The following EIF1AX variants were observed in gnomAD, a reference collection of about 807,000 sequenced individuals.
The protein encoded by EIF1AX is eukaryotic translation initiation factor 1A X-linked.
A neutral mutation model predicts 16.1 loss-of-function variants in EIF1AX; 1 was observed. The observed-to-expected ratio is 0.06, with a 90% CI of 0.02 to 0.30. EIF1AX has a LOEUF of 0.30. Among genes scored for constraint, EIF1AX ranks in the 10% least tolerant of loss-of-function variants. The probability of loss-of-function intolerance (pLI) is 1.00; values close to 1 mark genes in which losing one functional copy is unlikely to be tolerated. For synonymous variants in EIF1AX, 32 were observed against 37.3 expected (o/e 0.86, Z 0.51); for missense variants, 11 against 109.1 (o/e 0.10, Z 4.00).
chrX:20,139,321 C>A (rs943100237), intron 1 of EIF1AX, among the ~76,000 whole-genome samples: 3 of 112,372 alleles, frequency 2.7e-5, no homozygotes, highest in African/African-American at 9.7e-5. Context: ...ACCCCAGTGA[C>A]CATGCTCTTA....
intron 1 of EIF1AX, 84 bp from the exon 2 acceptor site, chrX:20,138,706 TA>T: frequency 1.5e-6 from 1 of 658,741 alleles, no homozygotes; most frequent in Non-Finnish European, 2.3e-6. Flanking sequence ...TTAAGGCTTA[TA>T]AAACCATTTT....
At chrX:20,135,706 T>C (rs1358974938) in intron 3 of EIF1AX, 32 bp downstream of exon 3, 5 of 1,090,340 alleles carry the variant, frequency 4.6e-6, no homozygotes, top group Non-Finnish European at 6.4e-6. Flanking sequence ...CCTTAACCAA[T>C]TTTATATTAA....
chrX:20,125,298 C>T lies in EIF1AX; in HGVS notation c.*3008G>A. On this transcript the variant is annotated 3_prime_UTR_variant, in exon 7 of 7. Coordinates refer to ENST00000379607, the MANE Select transcript of EIF1AX (RefSeq NM_001412.4). ...AATACATTCTCCAAATTGCTCAGTT[C>T]ATTCTATACCTGAGAGTCTTGTGTC... 1 of 169,643 alleles carries T rather than the reference C, an allele frequency of 5.9e-6. No homozygotes were observed. The highest frequency in any genetic ancestry group is 1.1e-5 in the Non-Finnish European group (1 of 87,934). 14.0% of individuals were successfully genotyped at this position (169,643 alleles called of 1,213,427 possible).
At chrX:20,135,596 A>G in intron 3 of EIF1AX, 142 bp downstream of exon 3, 1 of 431,658 alleles carries the variant, frequency 2.3e-6, no homozygotes, top group Non-Finnish European at 4.1e-6. Flanking sequence ...AGACCTTGCT[A>G]TTTTACTTAT....
rs767240001 is a variant in EIF1AX at position 20,141,326 on chromosome X, A to G, written c.16+299T>C. On this transcript the variant is annotated intron_variant, in intron 1 of 6. Coordinates refer to ENST00000379607, the MANE Select transcript of EIF1AX (RefSeq NM_001412.4). Reference sequence around the variant, plus strand: ...GGCCGCCCCGGGGAAGGTTCCCGCCACCGTCCCCACCGAGCAGCGGTCAGT... The same window carrying G: ...GGCCGCCCCGGGGAAGGTTCCCGCCGCCGTCCCCACCGAGCAGCGGTCAGT... 2.7e-5 allele frequency among the ~76,000 whole-genome samples: 3 copies of G among 111,783 alleles called. No individual in the cohort carries two copies. The South Asian group carries it at 1.1e-3, about 42-fold the overall frequency.
chrX:20,135,589 C>A, intron 3 of EIF1AX, 149 bp downstream of exon 3: 1 of 414,869 alleles, frequency 2.4e-6, no homozygotes, highest in Non-Finnish European at 4.3e-6. Context: ...CCATTACAGA[C>A]CTTGCTATTT....
chrX:20,129,492 C>T (rs758459149), intron 6 of EIF1AX, among the ~76,000 whole-genome samples: 1 of 111,808 alleles, frequency 8.9e-6, no homozygotes, highest in South Asian at 3.7e-4. Flanking sequence ...AAGAAGAGCC[C>T]AAAACAGATT....
At chrX:20,131,252 G>A (rs2067000299) in intron 5 of EIF1AX, among the ~76,000 whole-genome samples, 1 of 111,875 alleles carries the variant, frequency 8.9e-6, no homozygotes, top group Non-Finnish European at 1.9e-5. Context: ...GTATTTGGAA[G>A]GGTGAAAACC....
At chrX:20,140,922 T>C (rs1372311868) in intron 1 of EIF1AX, among the ~76,000 whole-genome samples, 2 of 110,802 alleles carry the variant, frequency 1.8e-5, no homozygotes, top group Admixed American at 1.9e-4. Context: ...AGTCTGATCA[T>C]TTGTGAACGC....
chrX:20,134,075 A>G (rs371910143), intron 3 of EIF1AX, 68 bp from the exon 4 acceptor site: 4 of 1,070,294 alleles, frequency 3.7e-6, no homozygotes, highest in Non-Finnish European at 5.1e-6. Context: ...CAGAGTAACA[A>G]TCAATTAGTT....
In EIF1AX at chrX:20,134,417, A is replaced by T. The variant is rs185245102; in HGVS notation, c.205-410T>A. On this transcript the variant is annotated intron_variant, in intron 3 of 6. Transcript: ENST00000379607. ...AAACAAATAAATAAACTTCTTTAAA[A>T]GAAAAAAAAAAAGAAAAGAAATTAA... is the stretch of plus-strand genomic sequence containing the variant. Among the ~76,000 whole-genome samples, 899 of 110,217 alleles carry T rather than the reference A, an allele frequency of 8.2e-3. 6 individuals carry two copies. Among genetic ancestry groups the T allele is most frequent in the Non-Finnish European group, 0.012 (629 of 52,637 alleles).
At chrX:20,136,222 C>T (rs746759647) in intron 2 of EIF1AX, 88 of 334,384 alleles carry the variant, frequency 2.6e-4, no homozygotes, top group South Asian at 2.1e-3. Flanking sequence ...TTTATAAACA[C>T]GTGTGCGTGC....
chrX:20,129,532 T>C (rs1016238195), intron 6 of EIF1AX, among the ~76,000 whole-genome samples: 4 of 112,521 alleles, frequency 3.6e-5, no homozygotes, highest in African/African-American at 1.3e-4. Flanking sequence ...ACTAAATAAA[T>C]TTATACTGCC....
Position 20,126,724 on chromosome X carries a change from A to AG in EIF1AX, c.*1581dup, listed in dbSNP as rs768550784. ...TTATGAGGATTAAAAACCAGCCCTTAGTCTCAGATGCATTCCACCTAGATG... is the reference window on the plus strand; with the variant it reads ...TTATGAGGATTAAAAACCAGCCCTTAGGTCTCAGATGCATTCCACCTAGATG... On this transcript the variant is annotated 3_prime_UTR_variant, in exon 7 of 7. Coordinates refer to ENST00000379607, the MANE Select transcript of EIF1AX (RefSeq NM_001412.4). 1 of 138,143 alleles carries AG rather than the reference A, an allele frequency of 7.2e-6. No individual in the cohort carries two copies. The highest frequency in any genetic ancestry group is 3.2e-5 in the African/African-American group (1 of 31,371). The allele number at this position is 138,143 out of a possible 1,213,427, so 11.4% of individuals were successfully genotyped here.
Position 20,135,759 on chromosome X carries a change from G to A in EIF1AX, c.183C>T (p.Ile61=). The A allele has an allele frequency of 8.3e-7, 1 of 1,202,208 alleles. No individual in the cohort carries two copies. The highest frequency in any genetic ancestry group is 3.0e-5 in the East Asian group (1 of 33,768). Residue 61 remains isoleucine, a synonymous_variant, in exon 3 of 7, where the codon ATC becomes ATT. Coordinates refer to ENST00000379607, the MANE Select transcript of EIF1AX (RefSeq NM_001412.4). ...CTACCTTTTTTCTCAATTTTCCTCT[G>A]ATGTGACATAACCTCTTTACACCAT... ...CFDGVKRLCH[I]RGKLRKKVWI...
intron 1 of EIF1AX, chrX:20,139,848 G>A (rs1229138734): frequency 1.8e-5 from 2 of 112,225 alleles, no homozygotes; most frequent in Non-Finnish European, 3.8e-5. Flanking sequence ...CTCAATCTGC[G>A]CTGTAATTCT....
chrX:20,138,435 C>G, intron 2 of EIF1AX, 104 bp downstream of exon 2: 1 of 675,877 alleles, frequency 1.5e-6, no homozygotes. Flanking sequence ...TGCCACCACA[C>G]TTCACCCTGG....
Position 20,130,711 on chromosome X carries a change from T to G in EIF1AX, c.338-104A>C, listed in dbSNP as rs1354259039. On this transcript the variant is annotated intron_variant, in intron 5 of 6. Coordinates refer to ENST00000379607, the MANE Select transcript of EIF1AX (RefSeq NM_001412.4). ...ATAAGACAATAACTATAAAGAATATTTTATGAAAAAAAATTCCTGCAGTGT... is the reference window on the plus strand; with the variant it reads ...ATAAGACAATAACTATAAAGAATATGTTATGAAAAAAAATTCCTGCAGTGT... 7 of 805,061 alleles carry G rather than the reference T, an allele frequency of 8.7e-6. No homozygotes were observed. The African/African-American group carries it at 1.1e-4, about 13-fold the overall frequency. 66.3% of individuals were successfully genotyped at this position (805,061 alleles called of 1,213,427 possible).
At chrX:20,135,442 G>GT (rs1432325940) in intron 3 of EIF1AX, among the ~76,000 whole-genome samples, 6 of 109,121 alleles carry the variant, frequency 5.5e-5, no homozygotes, top group Non-Finnish European at 1.1e-4. Context: ...GTGAGACCCT[G>GT]TATCAAAAAA....
Sources: allele counts gnomAD v4.1 joint callset (sites outside exome capture counted in the v4.1 genomes callset), GRCh38; gene constraint gnomAD v4.1.1; transcripts MANE v1.5; gene names NCBI Gene and HGNC (gene_info 2026-07-23, HGNC 2026-07-21).